The following LRRD1 variants were observed in gnomAD, a reference collection of about 807,000 sequenced individuals.
The protein encoded by LRRD1 is leucine-rich repeat and death domain-containing protein 1.
In LRRD1, 49 loss-of-function variants were observed where a neutral mutation model predicts 69.5. The observed-to-expected ratio is 0.70, with a 90% CI of 0.56 to 0.89. The LOEUF is 0.89. LRRD1 is among the 40% of genes least tolerant of loss of function. LRRD1 has a pLI of 0.00. For synonymous variants in LRRD1, 303 were observed against 338.9 expected (o/e 0.89, Z 1.16); for missense variants, 853 against 956.0 (o/e 0.89, Z 1.42).
In LRRD1 at chr7:92,158,985, T is replaced by C. The variant is rs1788739868; in HGVS notation, c.2116+20A>G. The C allele has an allele frequency of 6.6e-7, 1 of 1,514,962 alleles. No homozygotes were observed. 93.8% of individuals were successfully genotyped at this position (1,514,962 alleles called of 1,614,324 possible). On this transcript the variant is annotated intron_variant, in intron 3 of 5. Coordinates refer to ENST00000458448, the MANE Select transcript of LRRD1 (RefSeq NM_001161528.2). ...TACTCTACTTATTGATTATGCTTACTGATTATGCTTGACACTCACCACTCA... is the reference window on the plus strand; with the variant it reads ...TACTCTACTTATTGATTATGCTTACCGATTATGCTTGACACTCACCACTCA...
At chr7:92,143,840 C>A (rs1033816064), downstream of LRRD1, among the ~76,000 whole-genome samples, 1 of 152,218 alleles carries the variant, frequency 6.6e-6, no homozygotes, top group Non-Finnish European at 1.5e-5. Flanking sequence ...GAGGAGGCGC[C>A]GAGAGCGAGC....
At chr7:92,176,552 A>T (rs1401586087) in intron 1 of LRRD1, among the ~76,000 whole-genome samples, 13 of 140,910 alleles carry the variant, frequency 9.2e-5, no homozygotes, top group African/African-American at 3.6e-4. Context: ...ATATTACATT[A>T]AGAGATTCTC....
At chr7:92,172,441 A>C (rs1158363222) in intron 1 of LRRD1, among the ~76,000 whole-genome samples, 1 of 152,156 alleles carries the variant, frequency 6.6e-6, no homozygotes, top group Non-Finnish European at 1.5e-5. Context: ...ACTTAGAAAA[A>C]TCTAAAGACT....
chr7:92,156,709 C>G (rs1484805574), intron 3 of LRRD1, among the ~76,000 whole-genome samples: 1 of 152,216 alleles, frequency 6.6e-6, no homozygotes. Context: ...CAACGTGTCT[C>G]TGTTATCAGA....
intron 2 of LRRD1, 71 bp downstream of exon 2, chr7:92,163,215 A>G (rs1272901140): frequency 9.8e-6 from 10 of 1,024,188 alleles, no homozygotes; most frequent in Non-Finnish European, 1.3e-5. Context: ...ACCCACAGAT[A>G]CACCACAGCT....
chr7:92,145,446 T>A (rs943724120), intron 5 of LRRD1, among the ~76,000 whole-genome samples: 1 of 150,356 alleles, frequency 6.7e-6, no homozygotes, highest in Non-Finnish European at 1.5e-5. Flanking sequence ...ATGCTTTTTT[T>A]TTTTTTTTTT....
downstream of LRRD1, chr7:92,142,976 G>T (rs1230324211): frequency 7.9e-6 from 2 of 254,458 alleles, no homozygotes; most frequent in Admixed American, 1.0e-4. Flanking sequence ...CAGGCAGCCT[G>T]CTTTTATTCT....
At chr7:92,178,652 A>G (rs1789249065) in intron 1 of LRRD1, among the ~76,000 whole-genome samples, 1 of 152,240 alleles carries the variant, frequency 6.6e-6, no homozygotes, top group African/African-American at 2.4e-5. Context: ...CCTGGGCAAC[A>G]AGCGCGAAAC....
At position 92,150,600 on chromosome 7, in the gene LRRD1, C is replaced by T; in HGVS notation, c.2212G>A (p.Glu738Lys). The change falls in exon 4 of 6, where the codon GAA becomes AAA. Residue 738 changes from glutamate to lysine, a missense_variant. Glu to Lys is a moderately conservative substitution (Grantham distance 56). This residue lies in a region of LRRD1 where 739 missense variants were observed against 808.0 expected (regional missense o/e 0.91). Coordinates refer to ENST00000458448, the MANE Select transcript of LRRD1 (RefSeq NM_001161528.2). ...DDNPLLRPPV[E>K]ICKGKQLYTI... ...TACAACTGTTTTCCTTTACAGATTTCCACTGGAGGTCTCAGCAAAGGGTTG... is the reference window on the plus strand; with the variant it reads ...TACAACTGTTTTCCTTTACAGATTTTCACTGGAGGTCTCAGCAAAGGGTTG... 2 of 1,551,584 alleles carry T rather than the reference C, an allele frequency of 1.3e-6. No homozygotes were observed. Among genetic ancestry groups the T allele is most frequent in the Non-Finnish European group, 1.7e-6 (2 of 1,146,894 alleles).
At chr7:92,142,379 T>A (rs972299219), downstream of LRRD1, 2 of 445,462 alleles carry the variant, frequency 4.5e-6, no homozygotes, top group Non-Finnish European at 9.0e-6. Context: ...TAAACAAGGT[T>A]CTGTCTCTCT....
chr7:92,163,550 T>G lies in LRRD1; in HGVS notation c.1653A>C (p.Ser551=). ...GKNQIKKIPA[S]ISNMISLHVL... is the part of the protein sequence containing the mutation. ...CGTGGAGTGATATCATATTAGAAATTGATGCTGGAATTTTCTTTATTTGGT... is the reference window on the plus strand; with the variant it reads ...CGTGGAGTGATATCATATTAGAAATGGATGCTGGAATTTTCTTTATTTGGT... Residue 551 remains serine, a synonymous_variant, in exon 2 of 6, where the codon TCA becomes TCC. Transcript: ENST00000458448. The G allele has an allele frequency of 1.3e-6, 2 of 1,528,566 alleles. No individual in the cohort carries two copies. The highest frequency in any genetic ancestry group is 2.5e-5 in the South Asian group (2 of 80,252). The allele number at this position is 1,528,566 out of a possible 1,614,324, so 94.7% of individuals were successfully genotyped here.
intron 4 of LRRD1, among the ~76,000 whole-genome samples, chr7:92,148,253 G>A (rs779427776): frequency 1.1e-4 from 17 of 151,938 alleles, no homozygotes; most frequent in Admixed American, 2.0e-4. Context: ...CCAAAAGGCC[G>A]AGAAGCAATA....
rs1205444914 is a variant in LRRD1 at position 92,164,117 on chromosome 7, T to A, written c.1086A>T (p.Glu362Asp). 4.5e-6 allele frequency: 7 copies of A among 1,549,344 alleles called. No homozygotes were observed. The highest frequency in any genetic ancestry group is 6.1e-6 in the Non-Finnish European group (7 of 1,146,152). Reference sequence around the variant, plus strand: ...AATTCTCAATTTTGTGTGAAATAACTTCCAATTTATTGTCGGCCAGTTGGA... The same window carrying A: ...AATTCTCAATTTTGTGTGAAATAACATCCAATTTATTGTCGGCCAGTTGGA... ...KELQLADNKL[E>D]VISHKIENFR... is the part of the protein sequence containing the mutation. The change falls in exon 2 of 6, where the codon GAA becomes GAT. Residue 362 changes from glutamate (E) to aspartate (D), a missense_variant. Around this residue, in one of 3 missense-constraint regions of LRRD1, gnomAD observed 739 missense variants for 808.0 expected, o/e 0.91. Coordinates refer to ENST00000458448, the MANE Select transcript of LRRD1 (RefSeq NM_001161528.2).
intron 1 of LRRD1, among the ~76,000 whole-genome samples, chr7:92,167,340 C>T (rs957063052): frequency 3.3e-5 from 5 of 151,670 alleles, no homozygotes; most frequent in Admixed American, 6.6e-5. Flanking sequence ...GTGATCCATC[C>T]GCCTCAGCCT....
At chr7:92,175,454 C>T (rs1208469613) in intron 1 of LRRD1, among the ~76,000 whole-genome samples, 1 of 152,098 alleles carries the variant, frequency 6.6e-6, no homozygotes, top group Non-Finnish European at 1.5e-5. Context: ...TTGAGACCAG[C>T]CTGACCATCA....
intron 3 of LRRD1, among the ~76,000 whole-genome samples, chr7:92,153,328 G>A (rs1274894481): frequency 1.3e-5 from 2 of 152,034 alleles, no homozygotes; most frequent in Non-Finnish European, 2.9e-5. Context: ...GCCTCTCAAA[G>A]TGCTGGGATT....
chr7:92,170,208 A>G (rs962377861), intron 1 of LRRD1, among the ~76,000 whole-genome samples: 3 of 152,162 alleles, frequency 2.0e-5, no homozygotes, highest in African/African-American at 4.8e-5. Context: ...AAAAAGAGAA[A>G]AGAATAAAAA....
chr7:92,152,903 C>T (rs1024507229), intron 3 of LRRD1, among the ~76,000 whole-genome samples: 3 of 152,116 alleles, frequency 2.0e-5, no homozygotes, highest in Non-Finnish European at 2.9e-5. Context: ...CTCCTGACCT[C>T]GTGATCTGCC....
At chr7:92,143,535 G>A (rs1388204913), downstream of LRRD1, among the ~76,000 whole-genome samples, 16 of 152,102 alleles carry the variant, frequency 1.1e-4, no homozygotes, top group East Asian at 3.8e-4. Context: ...GCTAAGGCCC[G>A]GCGAGAAATT....
Sources: allele counts gnomAD v4.1 joint callset (sites outside exome capture counted in the v4.1 genomes callset), GRCh38; gene constraint gnomAD v4.1.1; regional missense constraint gnomAD v4.1.1; transcripts MANE v1.5; gene names NCBI Gene and HGNC (gene_info 2026-07-23, HGNC 2026-07-21).